The following MYH9 variants were observed in gnomAD, a reference collection of about 807,000 sequenced individuals.
The protein encoded by MYH9 is myosin-9.
Under a neutral mutation model 241.9 loss-of-function variants are expected in MYH9, and 29 were observed. That is an observed-to-expected ratio of 0.12 (90% CI 0.09 to 0.16). The LOEUF (loss-of-function observed/expected upper bound fraction) is 0.16, where lower values mean the gene tolerates loss of function less well. Among genes scored for constraint, MYH9 ranks in the 10% least tolerant of loss-of-function variants. The pLI is 1.00. For synonymous variants in MYH9, 1,047 were observed against 1,062.6 expected (o/e 0.99, Z 0.29); for missense variants, 1,803 against 2,595.5 (o/e 0.69, Z 6.63).
At chr22:36,335,161 T>A (rs2146378129) in intron 3 of MYH9, among the ~76,000 whole-genome samples, 1 of 152,320 alleles carries the variant, frequency 6.6e-6, no homozygotes. Context: ...CTGATTTGCC[T>A]GTCTCTGAGC....
intron 14 of MYH9, among the ~76,000 whole-genome samples, chr22:36,310,882 C>T (rs556637814): frequency 1.3e-5 from 2 of 152,200 alleles, no homozygotes; most frequent in Admixed American, 1.3e-4. Flanking sequence ...AAAGGAGGCT[C>T]GGGAAACATT....
intron 3 of MYH9, among the ~76,000 whole-genome samples, chr22:36,338,752 G>A (rs112102746): frequency 0.097 from 14,772 of 151,586 alleles, 971 homozygotes; most frequent in Middle Eastern, 0.15. Flanking sequence ...CCCAGGAGGC[G>A]GAGCCCGCAA....
intron 10 of MYH9, among the ~76,000 whole-genome samples, chr22:36,318,792 T>C (rs2017202047): frequency 6.6e-6 from 1 of 151,992 alleles, no homozygotes; most frequent in Admixed American, 6.6e-5. Flanking sequence ...AGACGGCGTC[T>C]TGCTCTTGTT....
Position 36,316,624 on chromosome 22 carries a change from T to A in MYH9, c.1273A>T (p.Met425Leu), listed in dbSNP as rs961182177. ...ATGCGCAGCACCAGCCAGCGGAACA[T>A]CCGCTCATAGGTCGCCTTGGCCAAG... is the stretch of plus-strand genomic sequence containing the variant. ...EALAKATYER[M>L]FRWLVLRINK... The change falls in exon 12 of 41, where the codon ATG becomes TTG. Residue 425 changes from methionine to leucine, a missense_variant. Around this residue, in one of 11 missense-constraint regions of MYH9, gnomAD observed 222 missense variants for 359.9 expected, o/e 0.62. Transcript: ENST00000216181. 3 of 1,614,040 alleles carry A rather than the reference T, an allele frequency of 1.9e-6. No homozygotes were observed. Among genetic ancestry groups the A allele is most frequent in the Admixed American group, 3.3e-5 (2 of 60,020 alleles).
At chr22:36,299,131 G>A in intron 23 of MYH9, 89 bp from the exon 24 acceptor site, 1 of 1,552,088 alleles carries the variant, frequency 6.4e-7, no homozygotes, top group South Asian at 1.1e-5. Context: ...GGAAATCTGG[G>A]GCTGAATGGA....
intron 1 of MYH9, among the ~76,000 whole-genome samples, chr22:36,369,257 C>G (rs1169062898): frequency 6.6e-6 from 1 of 152,180 alleles, no homozygotes; most frequent in South Asian, 2.1e-4. Context: ...AGAACTAACC[C>G]CAGGTAGAGT....
At chr22:36,387,440 G>A (rs920704908) in intron 1 of MYH9, among the ~76,000 whole-genome samples, 4 of 152,156 alleles carry the variant, frequency 2.6e-5, no homozygotes, top group Non-Finnish European at 5.9e-5. Flanking sequence ...GTTTGCCCGA[G>A]TCGGGCCTGG....
In MYH9 at chr22:36,285,918, G is replaced by A; in HGVS notation, c.5097C>T (p.Ala1699=). ...LAAAERAKRQ[A]QQERDELADE... is the part of the protein sequence containing the mutation. The stretch of plus-strand genomic sequence containing the variant: ...CAGCCAGCTCATCCCGCTCCTGCTG[G>A]GCCTGGCGCTTGGCACGCTCCGCGG... The change falls in exon 36 of 41, where the codon GCC becomes GCT. Residue 1699 remains alanine, a synonymous_variant. Coordinates refer to ENST00000216181, the MANE Select transcript of MYH9 (RefSeq NM_002473.6). The surrounding 1 kb of genome is among the most constrained non-coding windows in gnomAD (Gnocchi z 7.0). 1 of 1,612,496 alleles carries A rather than the reference G, an allele frequency of 6.2e-7. No homozygotes were observed.
chr22:36,341,256 C>T lies in MYH9; in HGVS notation c.490+114G>A, dbSNP rs1436085439. ...CTACAGACCTCCATGATGCACTGCC[C>T]ATCACCAGCCACTAGATCAATGTGG... On this transcript the variant is annotated intron_variant, in intron 3 of 40. Transcript: ENST00000216181. The T allele has an allele frequency of 2.2e-6, 3 of 1,354,250 alleles. No individual in the cohort carries two copies. In the East Asian group the frequency reaches 7.0e-5, roughly 31 times the overall value. The allele number at this position is 1,354,250 out of a possible 1,614,324, so 83.9% of individuals were successfully genotyped here.
chr22:36,348,559 T>A lies in MYH9; in HGVS notation c.333+345A>T, dbSNP rs532863225. On this transcript the variant is annotated intron_variant, in intron 2 of 40. Transcript: ENST00000216181. ...TTAAATTAAATTAAAAAAGAAGGAA[T>A]CTACAACATTGACCTGAACCTTCAT... 2.1e-4 allele frequency among the ~76,000 whole-genome samples: 31 copies of A among 151,140 alleles called. No individual in the cohort carries two copies. In the South Asian group the frequency reaches 2.9e-3, roughly 14 times the overall value.
Position 36,318,339 on chromosome 22 carries a change from G to T in MYH9, c.1109-14C>A. On this transcript the variant is annotated splice_polypyrimidine_tract_variant and intron_variant, in intron 10 of 40. Coordinates refer to ENST00000216181, the MANE Select transcript of MYH9 (RefSeq NM_002473.6). Reference sequence around the variant, plus strand: ...CCTTTTGGGCAGCTAAGATTTTTCAGAGAATAAGAGAGGGACAAAAAGTCC... The same window carrying T: ...CCTTTTGGGCAGCTAAGATTTTTCATAGAATAAGAGAGGGACAAAAAGTCC... 6.3e-7 allele frequency: 1 copy of T among 1,590,462 alleles called. No individual in the cohort carries two copies. The highest frequency in any genetic ancestry group is 1.1e-5 in the South Asian group (1 of 90,598).
At chr22:36,287,455 T>C (rs2016605052) in intron 34 of MYH9, among the ~76,000 whole-genome samples, 1 of 152,150 alleles carries the variant, frequency 6.6e-6, no homozygotes, top group Non-Finnish European at 1.5e-5. Flanking sequence ...CTTAACATTT[T>C]TTTTTTGGCC....
At chr22:36,342,193 T>C (rs1415573106) in intron 2 of MYH9, among the ~76,000 whole-genome samples, 1 of 152,160 alleles carries the variant, frequency 6.6e-6, no homozygotes, top group Non-Finnish European at 1.5e-5. Flanking sequence ...TTAATCAACA[T>C]CCTTAATGTG....
chr22:36,352,513 C>T (rs1378430821), intron 1 of MYH9, among the ~76,000 whole-genome samples: 2 of 152,210 alleles, frequency 1.3e-5, no homozygotes, highest in African/African-American at 4.8e-5. Flanking sequence ...GGCTGCAGGG[C>T]CCAGGCACTC....
chr22:36,293,902 C>T lies in MYH9; in HGVS notation c.3838-39G>A, dbSNP rs1398033542. ...GGAGACACAAAGGACCATGGACCCA[C>T]CCCCACTGCTCCTGCCCCACCTCAT... On this transcript the variant is annotated intron_variant, in intron 28 of 40. Coordinates refer to ENST00000216181, the MANE Select transcript of MYH9 (RefSeq NM_002473.6). This position sits in a 1 kb window ranked among gnomAD's most constrained non-coding sequence, Gnocchi z 5.1. The T allele has an allele frequency of 6.4e-7, 1 of 1,568,194 alleles. No homozygotes were observed.
At chr22:36,294,040 C>G (rs1325226636) in intron 28 of MYH9, 52 bp downstream of exon 28, 6 of 1,591,936 alleles carry the variant, frequency 3.8e-6, no homozygotes, top group Admixed American at 3.3e-5. Flanking sequence ...ACCTGGGCCA[C>G]AACTGCTGCT....
chr22:36,347,612 G>A (rs1422650878), intron 2 of MYH9, among the ~76,000 whole-genome samples: 1 of 151,798 alleles, frequency 6.6e-6, no homozygotes, highest in Non-Finnish European at 1.5e-5. Context: ...GCACAGGCCT[G>A]TAGTCCCAGC....
At chr22:36,286,034 C>T in intron 35 of MYH9, 81 bp from the exon 36 acceptor site, 1 of 1,510,310 alleles carries the variant, frequency 6.6e-7, no homozygotes, top group Non-Finnish European at 9.1e-7. Flanking sequence ...GCACCCTCCC[C>T]TCAAGCCCTT....
intron 9 of MYH9, chr22:36,319,854 G>C: frequency 3.1e-6 from 2 of 642,818 alleles, no homozygotes; most frequent in Admixed American, 4.7e-5. Context: ...TGGCCTGTCC[G>C]CACTGCCATT....
Sources: allele counts gnomAD v4.1 joint callset (sites outside exome capture counted in the v4.1 genomes callset), GRCh38; gene constraint gnomAD v4.1.1; regional missense constraint gnomAD v4.1.1; non-coding constraint Gnocchi (gnomAD v3.1); transcripts MANE v1.5; gene names NCBI Gene and HGNC (gene_info 2026-07-23, HGNC 2026-07-21).